Variants in SEMA5B observed in about 807,000 individuals in gnomAD.
SEMA5B encodes the protein semaphorin 5B, also known as semaphorin-5B.
Under a neutral mutation model 135.0 loss-of-function variants are expected in SEMA5B, and 66 were observed. That is an observed-to-expected ratio of 0.49 (90% CI 0.40 to 0.60). SEMA5B has a LOEUF of 0.60. Ranked by LOEUF, SEMA5B falls within the 20% of genes least tolerant of loss-of-function variation. SEMA5B has a pLI of 0.00. For synonymous variants in SEMA5B, 690 were observed against 639.5 expected, an observed-to-expected ratio of 1.08 and a Z score of -1.19; for missense variants, 1,501 against 1,566.3, an observed-to-expected ratio of 0.96 and a Z score of 0.70.
intron 1 of SEMA5B, among the ~76,000 whole-genome samples, chr3:123,001,426 G>A (rs984529314): frequency 2.0e-5 from 3 of 152,160 alleles, no homozygotes; most frequent in Non-Finnish European, 4.4e-5. Context: ...GGTGGCAGCA[G>A]AAAATTCACA....
chr3:123,024,981 T>C (rs923407282), intron 1 of SEMA5B, among the ~76,000 whole-genome samples: 1 of 152,082 alleles, frequency 6.6e-6, no homozygotes. Context: ...ACATGGACAA[T>C]CTCCAGGGCC....
chr3:122,995,886 C>T (rs1293985274), intron 1 of SEMA5B, among the ~76,000 whole-genome samples: 1 of 152,242 alleles, frequency 6.6e-6, no homozygotes, highest in Non-Finnish European at 1.5e-5. Context: ...CAAGTGACAT[C>T]TTACCTAAAA....
At chr3:122,911,823 C>A (rs773359168) in intron 20 of SEMA5B, 97 bp downstream of exon 20, 1 of 1,400,858 alleles carries the variant, frequency 7.1e-7, no homozygotes. Flanking sequence ...ATCCTGTGCC[C>A]CCTGCTCCCC....
intron 1 of SEMA5B, among the ~76,000 whole-genome samples, chr3:123,002,661 G>A (rs1023116701): frequency 2.0e-5 from 3 of 152,330 alleles, no homozygotes; most frequent in South Asian, 2.1e-4. Flanking sequence ...TTGAAGCCCC[G>A]ACCTGCAGAC....
In SEMA5B at chr3:122,926,647, CCA is replaced by C. The variant is rs890048900; in HGVS notation, c.879_880del (p.Ile293MetfsTer32). The C allele has an allele frequency of 4.3e-6, 7 of 1,613,850 alleles. No homozygotes were observed. The highest frequency in any genetic ancestry group is 5.9e-6 in the Non-Finnish European group (7 of 1,179,728). On this transcript the variant is annotated frameshift_variant, in exon 9 of 23. Transcript: ENST00000357599. LOFTEE classifies it high-confidence loss of function. ...CCGCAGGAAGAAGTATGCAAACAGC[CCA>C]ATATCATAGGCTGCCACGAAGTTTG... is the stretch of plus-strand genomic sequence containing the variant.
chr3:123,022,919 T>C (rs1227179904), intron 1 of SEMA5B, among the ~76,000 whole-genome samples: 3 of 152,208 alleles, frequency 2.0e-5, no homozygotes, highest in Admixed American at 6.5e-5. Context: ...AAGCTGGTTA[T>C]AAAGGAAATT....
intron 1 of SEMA5B, among the ~76,000 whole-genome samples, chr3:123,010,512 C>T (rs114938100): frequency 6.5e-4 from 99 of 152,134 alleles, no homozygotes; most frequent in African/African-American, 2.2e-3. Context: ...CGAAGTGGTC[C>T]GTTAAAAAAT....
chr3:122,932,472 A>G (rs1322723268), intron 5 of SEMA5B, among the ~76,000 whole-genome samples: 1 of 152,208 alleles, frequency 6.6e-6, no homozygotes, highest in Non-Finnish European at 1.5e-5. Flanking sequence ...ACCACAAGGT[A>G]GACAAAGGCC....
At chr3:122,921,837 T>A in intron 12 of SEMA5B, 78 bp downstream of exon 12, 2 of 1,261,794 alleles carry the variant, frequency 1.6e-6, no homozygotes, top group Non-Finnish European at 2.1e-6. Context: ...CGACCCCAGG[T>A]CTCCCGGGTC....
At chr3:122,978,476 T>A (rs1941408807) in intron 1 of SEMA5B, among the ~76,000 whole-genome samples, 1 of 152,202 alleles carries the variant, frequency 6.6e-6, no homozygotes, top group African/African-American at 2.4e-5. Flanking sequence ...ATGACAGAGC[T>A]AGGTTTTTTC....
At chr3:123,024,352 G>A (rs1412664808) in intron 1 of SEMA5B, among the ~76,000 whole-genome samples, 1 of 152,174 alleles carries the variant, frequency 6.6e-6, no homozygotes, top group African/African-American at 2.4e-5. Flanking sequence ...CTTTCTGGAT[G>A]TTCCTTGGAA....
Position 122,944,978 on chromosome 3 carries a change from G to GGA in SEMA5B, c.329-1445_329-1444dup, listed in dbSNP as rs780180944. Among the ~76,000 whole-genome samples, 8 of 151,816 alleles carry GGA rather than the reference G, an allele frequency of 5.3e-5. No homozygotes were observed. In the South Asian group the frequency reaches 6.3e-4, roughly 12 times the overall value. ...TAGCAACTGACTCACAGAAGGGCCA[G>GGA]GAGAGAGAGAGAGATAGAGAGAGAG... On this transcript the variant is annotated intron_variant, in intron 3 of 22. Coordinates refer to ENST00000357599, the MANE Select transcript of SEMA5B (RefSeq NM_001031702.4).
chr3:122,931,511 C>T (rs762120038), intron 5 of SEMA5B, among the ~76,000 whole-genome samples: 35 of 151,974 alleles, frequency 2.3e-4, no homozygotes, highest in Non-Finnish European at 4.3e-4. Context: ...AAAATTTTAA[C>T]GTATACATAT....
intron 1 of SEMA5B, among the ~76,000 whole-genome samples, chr3:122,970,672 G>C (rs532463792): frequency 6.6e-6 from 1 of 152,266 alleles, no homozygotes; most frequent in East Asian, 1.9e-4. Context: ...TGAACATCTC[G>C]TTTAATCATC....
rs1939912368 is a variant in SEMA5B at position 122,948,702 on chromosome 3, G to A, written c.132C>T (p.Leu44=). The A allele has an allele frequency of 4.4e-6, 7 of 1,598,206 alleles. No homozygotes were observed. In the East Asian group the frequency reaches 1.1e-4, roughly 26 times the overall value. The change falls in exon 3 of 23, where the codon CTC becomes CTT. Residue 44 remains leucine (L), a synonymous_variant. Coordinates refer to ENST00000357599, the MANE Select transcript of SEMA5B (RefSeq NM_001031702.4). ...GWLLSLVRGL[L]PCLPPGARTA... ...TCCTAGCTCCGGGAGGCAGACAGGGGAGAAGACCTGCAACGTAAACACTCA... is the reference window on the plus strand; with the variant it reads ...TCCTAGCTCCGGGAGGCAGACAGGGAAGAAGACCTGCAACGTAAACACTCA...
chr3:122,935,915 A>G (rs2107497213), intron 5 of SEMA5B, among the ~76,000 whole-genome samples: 1 of 151,544 alleles, frequency 6.6e-6, no homozygotes, highest in South Asian at 2.1e-4. Flanking sequence ...CTGGTCTTGA[A>G]CTTCTGACCT....
intron 1 of SEMA5B, among the ~76,000 whole-genome samples, chr3:123,007,644 G>A (rs1942345079): frequency 1.3e-5 from 2 of 152,160 alleles, no homozygotes; most frequent in South Asian, 2.1e-4. Flanking sequence ...ACTTAAGTGA[G>A]CACATTTGCA....
At chr3:123,010,014 C>T (rs1462589394) in intron 1 of SEMA5B, among the ~76,000 whole-genome samples, 1 of 152,202 alleles carries the variant, frequency 6.6e-6, no homozygotes, top group African/African-American at 2.4e-5. Flanking sequence ...CCTGATTCAC[C>T]CGGGAGCCCT....
chr3:122,911,905 G>A lies in SEMA5B; in HGVS notation c.3046+15C>T. The A allele has an allele frequency of 6.3e-7, 1 of 1,587,708 alleles. No individual in the cohort carries two copies. Among genetic ancestry groups the A allele is most frequent in the Non-Finnish European group, 8.6e-7 (1 of 1,162,930 alleles). ...TGGGAAGGGTTGCTGCGCAGGTGCTGGCAGGGGTACCTACCGGGAATCTCG... is the reference window on the plus strand; with the variant it reads ...TGGGAAGGGTTGCTGCGCAGGTGCTAGCAGGGGTACCTACCGGGAATCTCG... On this transcript the variant is annotated intron_variant, in intron 20 of 22. Transcript: ENST00000357599.
Sources: allele counts gnomAD v4.1 joint callset (sites outside exome capture counted in the v4.1 genomes callset), GRCh38; gene constraint gnomAD v4.1.1; transcripts MANE v1.5; gene names NCBI Gene and HGNC (gene_info 2026-07-23, HGNC 2026-07-21).